The following BMPER variants were observed in gnomAD, a reference collection of about 807,000 sequenced individuals.
BMPER encodes the protein BMP binding endothelial regulator.
A neutral mutation model predicts 87.3 loss-of-function variants in BMPER; 45 were observed. That is an observed-to-expected ratio of 0.52 (90% confidence interval 0.41 to 0.66). The LOEUF (loss-of-function observed/expected upper bound fraction) is 0.66, where lower values mean the gene tolerates loss of function less well. Ranked by LOEUF, BMPER falls within the 30% of genes least tolerant of loss-of-function variation. BMPER has a pLI of 0.00. For missense variants in BMPER, 784 were observed against 867.5 expected, an observed-to-expected ratio of 0.90 and a Z score of 1.21; for synonymous variants, 326 against 316.2, an observed-to-expected ratio of 1.03 and a Z score of -0.33.
At chr7:33,907,539 G>A (rs1013639328) in intron 2 of BMPER, among the ~76,000 whole-genome samples, 1 of 152,126 alleles carries the variant, frequency 6.6e-6, no homozygotes, top group Admixed American at 6.5e-5. Context: ...GTGGTTAGAA[G>A]ACTCAAAAAA....
At position 33,905,679 on chromosome 7, in the gene BMPER, G is replaced by A. The variant is rs758141907; in HGVS notation, c.66G>A (p.Thr22=). 6.2e-7 allele frequency: 1 copy of A among 1,613,408 alleles called. No homozygotes were observed. Among genetic ancestry groups the A allele is most frequent in the Non-Finnish European group, 8.5e-7 (1 of 1,179,936 alleles). ...ERYCRRSPGI[T]CCVLLLLNCS... The stretch of plus-strand genomic sequence containing the variant: ...ACTGCCGCCGCTCGCCTGGGATTAC[G>A]TGCTGCGTCTTGCTGCTACTCAATT... Residue 22 remains threonine (T), a synonymous_variant, in exon 1 of 15, where the codon ACG becomes ACA. Transcript: ENST00000649409.
chr7:33,965,054 A>T (rs1785371718), intron 3 of BMPER, among the ~76,000 whole-genome samples: 2 of 152,186 alleles, frequency 1.3e-5, no homozygotes, highest in African/African-American at 4.8e-5. Flanking sequence ...AAATTGTTTT[A>T]TATTGGTTTT....
At chr7:34,019,176 G>A (rs1787115800) in intron 6 of BMPER, among the ~76,000 whole-genome samples, 1 of 152,020 alleles carries the variant, frequency 6.6e-6, no homozygotes, top group Non-Finnish European at 1.5e-5. Flanking sequence ...CTAAAATATA[G>A]CTTTGGAGAA....
intron 12 of BMPER, among the ~76,000 whole-genome samples, chr7:34,085,176 A>G (rs929667082): frequency 1.3e-5 from 2 of 152,214 alleles, no homozygotes; most frequent in Admixed American, 1.3e-4. Flanking sequence ...GTTGTAAAAT[A>G]ATGAGGGAGC....
At chr7:34,120,748 G>C (rs922770214) in intron 13 of BMPER, among the ~76,000 whole-genome samples, 4 of 152,160 alleles carry the variant, frequency 2.6e-5, no homozygotes, top group African/African-American at 9.7e-5. Context: ...CTTATTGTCT[G>C]TGATTAGGTA....
chr7:34,041,189 G>A (rs958379343), intron 6 of BMPER, among the ~76,000 whole-genome samples: 2 of 152,174 alleles, frequency 1.3e-5, no homozygotes, highest in African/African-American at 4.8e-5. Flanking sequence ...TTGTTGGGTG[G>A]CAGATTTTCT....
chr7:34,101,624 G>A (rs1033354517), intron 13 of BMPER, among the ~76,000 whole-genome samples: 2 of 152,158 alleles, frequency 1.3e-5, no homozygotes, highest in African/African-American at 4.8e-5. Flanking sequence ...AGGCATTGGT[G>A]GCTCAAGAAT....
Position 34,051,973 on chromosome 7 carries a change from A to C in BMPER, c.786+3A>C. The C allele has an allele frequency of 1.9e-6, 3 of 1,608,168 alleles. No homozygotes were observed. The highest frequency in any genetic ancestry group is 2.6e-6 in the Non-Finnish European group (3 of 1,174,560). ...ACTGCACAGCTTGTACCTGCAGGGT[A>C]AGGCAGCTCTGAGAGGCTGTGGTCC... On this transcript the variant is annotated splice_donor_region_variant and intron_variant, in intron 8 of 14. Coordinates refer to ENST00000649409, the MANE Select transcript of BMPER (RefSeq NM_001365308.1).
chr7:33,973,568 G>A (rs1405089243), intron 5 of BMPER, among the ~76,000 whole-genome samples: 3 of 152,220 alleles, frequency 2.0e-5, no homozygotes, highest in Admixed American at 2.0e-4. Flanking sequence ...CAGATCAGGT[G>A]GATGTAATGC....
At chr7:34,024,377 AAAAAACAATATATATAT>A (rs1787287916) in intron 6 of BMPER, among the ~76,000 whole-genome samples, 3 of 90,894 alleles carry the variant, frequency 3.3e-5, no homozygotes, top group Admixed American at 1.3e-4. Context: ...AAAAAAAAAA[AAAAAACAATATATATAT>A]ATATATATAT....
At chr7:33,909,723 G>A (rs982029935) in intron 2 of BMPER, among the ~76,000 whole-genome samples, 4 of 150,162 alleles carry the variant, frequency 2.7e-5, no homozygotes, top group African/African-American at 9.8e-5. Flanking sequence ...GTCAACGTAT[G>A]CTTAAAAAAG....
intron 11 of BMPER, among the ~76,000 whole-genome samples, chr7:34,074,010 G>A (rs1788800188): frequency 6.6e-6 from 1 of 152,194 alleles, no homozygotes; most frequent in Non-Finnish European, 1.5e-5. Context: ...ACTGGCTGTG[G>A]GTTTGGATGT....
chr7:33,911,498 A>G lies in BMPER; in HGVS notation c.219+4595A>G, dbSNP rs150372431. 2.8e-3 allele frequency among the ~76,000 whole-genome samples: 431 copies of G among 152,346 alleles called. 2 individuals carry two copies. Among genetic ancestry groups the G allele is most frequent in the Non-Finnish European group, 4.9e-3 (336 of 68,036 alleles). On this transcript the variant is annotated intron_variant, in intron 2 of 14. Transcript: ENST00000649409. ...TGCACAGAGCTAATGTAGGCTCTCT[A>G]TGGAGGCAGTTATAGTGGTTTTGAT...
intron 6 of BMPER, among the ~76,000 whole-genome samples, chr7:33,992,997 T>C (rs1786273320): frequency 1.4e-5 from 2 of 145,588 alleles, no homozygotes; most frequent in South Asian, 4.6e-4. Flanking sequence ...GCTGTTAGTC[T>C]GATGGGCTTC....
At chr7:34,146,848 C>T (rs948679804) in intron 14 of BMPER, among the ~76,000 whole-genome samples, 6 of 152,166 alleles carry the variant, frequency 3.9e-5, no homozygotes, top group Non-Finnish European at 7.3e-5. Context: ...ACTAATTCAT[C>T]CAAATATGTA....
At chr7:33,936,587 C>G (rs780733559) in intron 2 of BMPER, among the ~76,000 whole-genome samples, 5 of 152,180 alleles carry the variant, frequency 3.3e-5, no homozygotes, top group African/African-American at 4.8e-5. Context: ...AATCCATATA[C>G]AAACAGGCAT....
intron 11 of BMPER, among the ~76,000 whole-genome samples, chr7:34,074,603 G>A (rs987493552): frequency 6.6e-6 from 1 of 152,184 alleles, no homozygotes; most frequent in African/African-American, 2.4e-5. Flanking sequence ...GGACTGAAAA[G>A]GTTTAAAGCC....
intron 2 of BMPER, among the ~76,000 whole-genome samples, chr7:33,914,996 G>A (rs1329134808): frequency 4.6e-5 from 7 of 152,174 alleles, no homozygotes; most frequent in African/African-American, 1.7e-4. Flanking sequence ...ATTTGCACAT[G>A]GGATTGAATT....
chr7:33,983,673 C>G (rs1277088852), intron 6 of BMPER, among the ~76,000 whole-genome samples: 1 of 152,140 alleles, frequency 6.6e-6, no homozygotes, highest in Non-Finnish European at 1.5e-5. Flanking sequence ...CATAAACTGC[C>G]TGATTATAAC....
Sources: gnomAD v4.1 joint callset for allele counts (sites outside exome capture counted in the v4.1 genomes callset) on GRCh38, gnomAD v4.1.1 for gene constraint, MANE v1.5 for transcripts, NCBI Gene and HGNC (gene_info 2026-07-23, HGNC 2026-07-21) for gene names.